Variants in CADM1 observed in about 807,000 individuals in gnomAD.
CADM1 encodes cell adhesion molecule 1, also known as TSLC-1.
Under a neutral mutation model 53.1 loss-of-function variants are expected in CADM1, and 15 were observed. The ratio of observed to expected loss-of-function variants is 0.28; its 90% CI spans 0.19 to 0.44. The LOEUF is 0.44. Ranked by LOEUF, CADM1 falls within the 20% of genes least tolerant of loss-of-function variation. The pLI is 1.00. For synonymous variants in CADM1, 281 were observed against 243.0 expected (o/e 1.16, Z -1.45); for missense variants, 434 against 611.3 (o/e 0.71, Z 3.06).
At chr11:115,338,878 T>A (rs7395089) in intron 1 of CADM1, among the ~76,000 whole-genome samples, 7 of 19,614 alleles carry the variant, frequency 3.6e-4, no homozygotes, top group African/African-American at 1.2e-3. Context: ...ATTTTTTTTA[T>A]TTTTTTTTTT....
intron 1 of CADM1, among the ~76,000 whole-genome samples, chr11:115,440,871 T>C (rs1372175478): frequency 6.6e-6 from 1 of 152,006 alleles, no homozygotes; most frequent in Non-Finnish European, 1.5e-5. Flanking sequence ...CTCAACCTCC[T>C]TGGCTCAAGC....
At chr11:115,372,246 TA>T (rs1946326700) in intron 1 of CADM1, among the ~76,000 whole-genome samples, 1 of 152,224 alleles carries the variant, frequency 6.6e-6, no homozygotes, top group South Asian at 2.1e-4. Context: ...ATGTCTTGGC[TA>T]ACAAACAGAA....
At chr11:115,359,584 A>G (rs1037747878) in intron 1 of CADM1, among the ~76,000 whole-genome samples, 10 of 152,242 alleles carry the variant, frequency 6.6e-5, no homozygotes, top group African/African-American at 2.4e-4. Flanking sequence ...TTGGTCATTC[A>G]ACAAAATTGA....
intron 1 of CADM1, among the ~76,000 whole-genome samples, chr11:115,503,400 C>T (rs1363328494): frequency 6.6e-6 from 1 of 152,178 alleles, no homozygotes; most frequent in African/African-American, 2.4e-5. Flanking sequence ...CGCAGGGTGC[C>T]CGCCTGGCCG....
intron 1 of CADM1, among the ~76,000 whole-genome samples, chr11:115,260,679 A>T (rs190695167): frequency 1.3e-5 from 2 of 150,954 alleles, no homozygotes; most frequent in Non-Finnish European, 2.9e-5. Context: ...TATTTATTTT[A>T]TTTATTTTTT....
At chr11:115,419,965 T>C (rs1034100518) in intron 1 of CADM1, among the ~76,000 whole-genome samples, 2 of 152,226 alleles carry the variant, frequency 1.3e-5, no homozygotes, top group African/African-American at 4.8e-5. Context: ...TCTCATGACC[T>C]GGTCCAGAAC....
At chr11:115,219,132 A>G (rs1461437832) in intron 5 of CADM1, among the ~76,000 whole-genome samples, 1 of 152,204 alleles carries the variant, frequency 6.6e-6, no homozygotes, top group Admixed American at 6.5e-5. Context: ...AATAATTACC[A>G]TAGTTTTACT....
At chr11:115,422,394 A>G (rs1454950462) in intron 1 of CADM1, among the ~76,000 whole-genome samples, 1 of 152,230 alleles carries the variant, frequency 6.6e-6, no homozygotes, top group East Asian at 1.9e-4. Flanking sequence ...ACAGGCAGGC[A>G]TTACAACTCC....
At chr11:115,245,907 A>T (rs9633941) in intron 1 of CADM1, among the ~76,000 whole-genome samples, 37,018 of 152,136 alleles carry the variant, frequency 0.24, 5,023 homozygotes, top group East Asian at 0.64. Flanking sequence ...ACAGAGTTTT[A>T]TATCAAATCA....
At chr11:115,208,980 A>G (rs1591605736) in intron 8 of CADM1, among the ~76,000 whole-genome samples, 1 of 152,214 alleles carries the variant, frequency 6.6e-6, no homozygotes, top group African/African-American at 2.4e-5. Flanking sequence ...CCACTCTTCC[A>G]ATATGTGACC....
At chr11:115,411,362 T>C (rs1329607135) in intron 1 of CADM1, among the ~76,000 whole-genome samples, 2 of 152,228 alleles carry the variant, frequency 1.3e-5, no homozygotes, top group Non-Finnish European at 2.9e-5. Flanking sequence ...GAATGTGCAG[T>C]ACCCTACACA....
chr11:115,235,314 C>G lies in CADM1; in HGVS notation c.424+3186G>C, dbSNP rs188232292. Among the ~76,000 whole-genome samples the G allele has an allele frequency of 2.0e-4, 30 of 152,144 alleles. No homozygotes were observed. The East Asian group carries it at 5.2e-3, about 26-fold the overall frequency. On this transcript the variant is annotated intron_variant, in intron 3 of 11. Transcript: ENST00000331581. ...CTATCCTGTTTTTCCTTTAGCTTCA[C>G]AATGTCTACTCTAATACAAAAGGTT...
At chr11:115,225,859 A>G (rs1941586483) in intron 5 of CADM1, among the ~76,000 whole-genome samples, 1 of 152,132 alleles carries the variant, frequency 6.6e-6, no homozygotes, top group Non-Finnish European at 1.5e-5. Flanking sequence ...ATGATCTGTC[A>G]TTTAACCCTA....
intron 1 of CADM1, among the ~76,000 whole-genome samples, chr11:115,435,945 G>C (rs1948173914): frequency 6.6e-6 from 1 of 152,194 alleles, no homozygotes; most frequent in African/African-American, 2.4e-5. Flanking sequence ...AAAAAGCTTA[G>C]CACACGACGG....
intron 1 of CADM1, among the ~76,000 whole-genome samples, chr11:115,373,522 T>G (rs906652021): frequency 7.1e-6 from 1 of 140,640 alleles, no homozygotes; most frequent in Non-Finnish European, 1.5e-5. Flanking sequence ...GAGGTGGAGG[T>G]TGCAGTGACC....
intron 1 of CADM1, among the ~76,000 whole-genome samples, chr11:115,400,818 G>A (rs989106438): frequency 2.7e-5 from 4 of 150,616 alleles, no homozygotes; most frequent in African/African-American, 7.4e-5. Flanking sequence ...CTATTAGAAT[G>A]GCCAAAATCC....
intron 1 of CADM1, among the ~76,000 whole-genome samples, chr11:115,414,728 C>A (rs1200342316): frequency 0.027 from 5 of 184 alleles, no homozygotes; most frequent in African/African-American, 0.086. Context: ...CATTTGTCAT[C>A]CAACTTGTCA....
intron 4 of CADM1, among the ~76,000 whole-genome samples, chr11:115,230,517 G>C (rs1470706300): frequency 6.6e-6 from 1 of 152,172 alleles, no homozygotes. Context: ...GAAAAGGAAG[G>C]AATCTCAATG....
chr11:115,422,615 CCATAACCTA>C lies in CADM1; in HGVS notation c.124+81647_124+81655del, dbSNP rs911399942. On this transcript the variant is annotated intron_variant, in intron 1 of 11. Coordinates refer to ENST00000331581, the MANE Select transcript of CADM1 (RefSeq NM_001301043.2). ...TCTATTTGTTATCTCATCCTCTTAGCCATAACCTACATTTCTGGATCCTGGTCTAAATTG... is the reference window on the plus strand; with the variant it reads ...TCTATTTGTTATCTCATCCTCTTAGCCATTTCTGGATCCTGGTCTAAATTG... Among the ~76,000 whole-genome samples the C allele has an allele frequency of 9.8e-5, 15 of 152,342 alleles. 1 individual carries two copies. The highest frequency in any genetic ancestry group is 3.9e-4 in the Admixed American group (6 of 15,302).
Sources: allele counts gnomAD v4.1 joint callset (sites outside exome capture counted in the v4.1 genomes callset), GRCh38; gene constraint gnomAD v4.1.1; transcripts MANE v1.5; gene names NCBI Gene and HGNC (gene_info 2026-07-23, HGNC 2026-07-21).